OTUD4: variants seen among roughly 807,000 people sequenced by gnomAD.
OTUD4 encodes the protein OTU domain-containing protein 4.
Under a neutral mutation model 130.4 loss-of-function variants are expected in OTUD4, and 24 were observed. The observed-to-expected ratio is 0.18, with a 90% confidence interval of 0.13 to 0.26. The LOEUF is 0.26. Ranked by LOEUF, OTUD4 falls within the 10% of genes least tolerant of loss-of-function variation. The pLI is 1.00. For synonymous variants in OTUD4, 420 were observed against 472.5 expected (o/e 0.89, Z 1.44); for missense variants, 1,031 against 1,329.4 (o/e 0.78, Z 3.49).
intron 6 of OTUD4, among the ~76,000 whole-genome samples, chr4:145,160,870 G>A (rs1020237310): frequency 6.6e-6 from 1 of 152,012 alleles, no homozygotes; most frequent in African/African-American, 2.4e-5. Flanking sequence ...AGCACTTTGG[G>A]AGGCTGAGGT....
intron 7 of OTUD4, chr4:145,159,076 A>G (rs1026582392): frequency 2.2e-6 from 2 of 898,376 alleles, no homozygotes; most frequent in Non-Finnish European, 2.7e-6. Context: ...TATAACCCCA[A>G]CTTGGAACTT....
intron 2 of OTUD4, among the ~76,000 whole-genome samples, chr4:145,172,218 G>A (rs1448312076): frequency 6.6e-6 from 1 of 152,248 alleles, no homozygotes; most frequent in African/African-American, 2.4e-5. Context: ...CACTTCAGGT[G>A]ACATTCTGAA....
At chr4:145,162,249 T>C (rs1449109753) in intron 6 of OTUD4, among the ~76,000 whole-genome samples, 1 of 152,192 alleles carries the variant, frequency 6.6e-6, no homozygotes, top group Non-Finnish European at 1.5e-5. Context: ...TTGCTCTGAT[T>C]TGTTTACATT....
At chr4:145,155,358 GA>G in intron 10 of OTUD4, 52 bp downstream of exon 10, 2 of 1,477,620 alleles carry the variant, frequency 1.4e-6, no homozygotes, top group Non-Finnish European at 1.9e-6. Flanking sequence ...GTTTGTATTA[GA>G]AAAAGCAAAG....
In OTUD4 at chr4:145,159,426, T is replaced by C. The variant is rs1418545784; in HGVS notation, c.629+77A>G. Reference sequence around the variant, plus strand: ...CCTCAATATATGTTATAGAAAGACATTTACTGAAATGTAAAGACATTTACT... The same window carrying C: ...CCTCAATATATGTTATAGAAAGACACTTACTGAAATGTAAAGACATTTACT... On this transcript the variant is annotated intron_variant, in intron 7 of 20. Coordinates refer to ENST00000447906, the MANE Select transcript of OTUD4 (RefSeq NM_001366057.1). The C allele has an allele frequency of 1.4e-6, 1 of 711,674 alleles. No individual in the cohort carries two copies. The highest frequency in any genetic ancestry group is 3.5e-5 in the Admixed American group (1 of 28,448). The allele number at this position is 711,674 out of a possible 1,614,324, so 44.1% of individuals were successfully genotyped here.
At chr4:145,177,705 C>T (rs1395276560) in intron 1 of OTUD4, among the ~76,000 whole-genome samples, 1 of 152,156 alleles carries the variant, frequency 6.6e-6, no homozygotes. Context: ...AGGCCCAAAT[C>T]CGTAAGTGTA....
chr4:145,172,058 CTG>C (rs945279193), intron 2 of OTUD4, among the ~76,000 whole-genome samples: 4 of 152,316 alleles, frequency 2.6e-5, no homozygotes, highest in Non-Finnish European at 5.9e-5. Flanking sequence ...AAGAGGAACA[CTG>C]TGTTGGGAAG....
intron 15 of OTUD4, 48 bp from the exon 16 acceptor site, chr4:145,144,049 T>C (rs1750707688): frequency 3.5e-6 from 5 of 1,420,698 alleles, no homozygotes; most frequent in Non-Finnish European, 4.9e-6. Context: ...ACCAGTCATG[T>C]CTGAACACAG....
At chr4:145,149,439 C>A (rs1361533949) in intron 13 of OTUD4, 1 of 152,128 alleles carries the variant, frequency 6.6e-6, no homozygotes, top group Admixed American at 6.6e-5. Context: ...TACAACAGCC[C>A]CAAGAAACTA....
rs1454827982 is a variant in OTUD4 at position 145,179,935 on chromosome 4, C to G, written c.39G>C (p.Gln13His). 4 of 1,523,800 alleles carry G rather than the reference C, an allele frequency of 2.6e-6. No homozygotes were observed. Among genetic ancestry groups the G allele is most frequent in the Non-Finnish European group, 3.5e-6 (4 of 1,142,730 alleles). 94.4% of individuals were successfully genotyped at this position (1,523,800 alleles called of 1,614,324 possible). Residue 13 changes from glutamine to histidine, a missense_variant, in exon 1 of 21, where the codon CAG becomes CAC. Gln to His is a conservative substitution (Grantham distance 24). Coordinates refer to ENST00000447906, the MANE Select transcript of OTUD4 (RefSeq NM_001366057.1). ...AAVGVPDGGD[Q>H]GGAGPREDAT... Reference sequence around the variant, plus strand: ...CGTCCTCGCGGGGCCCCGCGCCGCCCTGGTCCCCGCCGTCGGGGACGCCGA... The same window carrying G: ...CGTCCTCGCGGGGCCCCGCGCCGCCGTGGTCCCCGCCGTCGGGGACGCCGA...
At chr4:145,179,494 A>G (rs1412264105) in intron 1 of OTUD4, 1 of 640,426 alleles carries the variant, frequency 1.6e-6, no homozygotes, top group East Asian at 8.3e-5. Flanking sequence ...AACAAAAGTA[A>G]AAAATATCAT....
Position 145,179,870 on chromosome 4 carries a change from T to A in OTUD4, c.104A>T (p.Tyr35Phe). The change falls in exon 1 of 21, where the codon TAT (tyrosine) becomes TTT (phenylalanine). Residue 35 changes from tyrosine to phenylalanine, a missense_variant. Around this residue, in one of 3 missense-constraint regions of OTUD4, gnomAD observed 54 missense variants for 60.6 expected, o/e 0.89. Transcript: ENST00000447906. Reference sequence around the variant, plus strand: ...CCCGTCCTTGGCGACCAGTTTCCGATACAAGCCCAGTTTCCGCAGATAGGC... The same window carrying A: ...CCCGTCCTTGGCGACCAGTTTCCGAAACAAGCCCAGTTTCCGCAGATAGGC... ...MDAYLRKLGLYRKLVAKDGSC... is the reference protein window; with the variant it reads ...MDAYLRKLGLFRKLVAKDGSC... 8 of 1,508,912 alleles carry A rather than the reference T, an allele frequency of 5.3e-6. No homozygotes were observed. Among genetic ancestry groups the A allele is most frequent in the Non-Finnish European group, 7.1e-6 (8 of 1,132,156 alleles). 93.5% of individuals were successfully genotyped at this position (1,508,912 alleles called of 1,614,324 possible).
In OTUD4 at chr4:145,138,140, T is replaced by G; in HGVS notation, c.2635A>C (p.Asn879His). 6.2e-7 allele frequency: 1 copy of G among 1,613,816 alleles called. No homozygotes were observed. The highest frequency in any genetic ancestry group is 1.1e-5 in the South Asian group (1 of 91,072). ...TTTTCATCAGAGGGCAGGACAATATTCTGCCTCATTACTGGATTTTCTATG... is the reference window on the plus strand; with the variant it reads ...TTTTCATCAGAGGGCAGGACAATATGCTGCCTCATTACTGGATTTTCTATG... Reference protein sequence around the residue: ...GFIENPVMRQNIVLPSDEKGE... With the variant: ...GFIENPVMRQHIVLPSDEKGE... The change falls in exon 21 of 21, where the codon AAT becomes CAT. Residue 879 changes from asparagine to histidine, a missense_variant. Around this residue, in one of 3 missense-constraint regions of OTUD4, gnomAD observed 900 missense variants for 1,095.9 expected, o/e 0.82. Coordinates refer to ENST00000447906, the MANE Select transcript of OTUD4 (RefSeq NM_001366057.1).
chr4:145,137,309 A>C lies in OTUD4; in HGVS notation c.*121T>G, dbSNP rs1264511773. 1.3e-6 allele frequency: 1 copy of C among 790,824 alleles called. No individual in the cohort carries two copies. The highest frequency in any genetic ancestry group is 2.1e-6 in the Non-Finnish European group (1 of 486,464). The allele number at this position is 790,824 out of a possible 1,614,324, so 49.0% of individuals were successfully genotyped here. On this transcript the variant is annotated 3_prime_UTR_variant, in exon 21 of 21. Coordinates refer to ENST00000447906, the MANE Select transcript of OTUD4 (RefSeq NM_001366057.1). ...TCTTGTCCAGTATGGGAGTGAAGGT[A>C]AGGGGGGCTGGGGAGAGGAAAGAGT...
At chr4:145,171,996 T>G (rs1466407614) in intron 2 of OTUD4, among the ~76,000 whole-genome samples, 1 of 152,228 alleles carries the variant, frequency 6.6e-6, no homozygotes, top group Non-Finnish European at 1.5e-5. Context: ...AGGATCTGGA[T>G]GGCAACAGGC....
intron 14 of OTUD4, among the ~76,000 whole-genome samples, chr4:145,145,447 T>A (rs558168814): frequency 2.0e-5 from 3 of 152,260 alleles, no homozygotes; most frequent in Admixed American, 6.5e-5. Flanking sequence ...TCTAAGGAAG[T>A]CCACAGAGAC....
Position 145,135,383 on chromosome 4 carries a change from A to G in OTUD4, c.*2047T>C, listed in dbSNP as rs1750192287. 1 of 152,284 alleles carries G rather than the reference A, an allele frequency of 6.6e-6. No homozygotes were observed. Among genetic ancestry groups the G allele is most frequent in the African/African-American group, 2.4e-5 (1 of 41,460 alleles). 9.4% of individuals were successfully genotyped at this position (152,284 alleles called of 1,614,324 possible). ...AGCTGAGATCAAACCCCAGTCAATA[A>G]AATGCAGGACACTAGAAGCAACAAC... On this transcript the variant is annotated 3_prime_UTR_variant, in exon 21 of 21. Transcript: ENST00000447906.
At chr4:145,161,461 C>T (rs1233709542) in intron 6 of OTUD4, among the ~76,000 whole-genome samples, 1 of 152,220 alleles carries the variant, frequency 6.6e-6, no homozygotes, top group Non-Finnish European at 1.5e-5. Flanking sequence ...GAGGAAAAAG[C>T]TGTCACAAGC....
At chr4:145,144,026 G>C (rs774182320) in intron 15 of OTUD4, 25 bp from the exon 16 acceptor site, 1 of 1,569,844 alleles carries the variant, frequency 6.4e-7, no homozygotes, top group South Asian at 1.1e-5. Flanking sequence ...GATTAAAAAA[G>C]ACAGCATAAG....
Sources: gnomAD v4.1 joint callset for allele counts (sites outside exome capture counted in the v4.1 genomes callset) on GRCh38, gnomAD v4.1.1 for gene constraint, gnomAD v4.1.1 regional missense constraint, MANE v1.5 for transcripts, NCBI Gene and HGNC (gene_info 2026-07-23, HGNC 2026-07-21) for gene names.